The following TOX3 variants were observed in gnomAD, a reference collection of about 807,000 sequenced individuals.
TOX3 encodes TOX high mobility group box family member 3, also known as CAG trinucleotide repeat-containing gene F9 protein.
In TOX3, 22 loss-of-function variants were observed where a neutral mutation model predicts 64.3. The observed-to-expected ratio is 0.34, with a 90% CI of 0.24 to 0.49. The LOEUF (loss-of-function observed/expected upper bound fraction) is 0.49. TOX3 is among the 20% of genes least tolerant of loss of function. The pLI, the probability that TOX3 is intolerant of heterozygous loss-of-function variation, is 0.99. For synonymous variants in TOX3, 291 were observed against 273.6 expected, an observed-to-expected ratio of 1.06 and a Z score of -0.63; for missense variants, 661 against 714.4, an observed-to-expected ratio of 0.93 and a Z score of 0.85.
Position 52,468,547 on chromosome 16 carries a change from T to C in TOX3, c.115A>G (p.Met39Val). 1 of 1,612,966 alleles carries C rather than the reference T, an allele frequency of 6.2e-7. No individual in the cohort carries two copies. Among genetic ancestry groups the C allele is most frequent in the Non-Finnish European group, 8.5e-7 (1 of 1,179,266 alleles). Residue 39 changes from methionine to valine, a missense_variant, in exon 2 of 7, where the codon ATG (methionine) becomes GTG (valine). Transcript: ENST00000219746. ...KFGNNNNYMN[M>V]AEANNAFFAA... ...AAGAACGCATTGTTCGCCTCAGCCATATTCATATAGTTATTATTATTTCCA... is the reference window on the plus strand; with the variant it reads ...AAGAACGCATTGTTCGCCTCAGCCACATTCATATAGTTATTATTATTTCCA...
chr16:52,518,886 T>A (rs1392499833), intron 1 of TOX3, among the ~76,000 whole-genome samples: 1 of 152,248 alleles, frequency 6.6e-6, no homozygotes, highest in Non-Finnish European at 1.5e-5. Context: ...CGTATTTCAA[T>A]AATCATTAAT....
At chr16:52,498,768 A>G (rs1961920064) in intron 1 of TOX3, among the ~76,000 whole-genome samples, 1 of 152,232 alleles carries the variant, frequency 6.6e-6, no homozygotes, top group Non-Finnish European at 1.5e-5. Context: ...TGGTCCGTGC[A>G]TATCCTGCTT....
At chr16:52,487,942 A>G (rs1224188038) in intron 1 of TOX3, among the ~76,000 whole-genome samples, 1 of 152,124 alleles carries the variant, frequency 6.6e-6, no homozygotes, top group East Asian at 1.9e-4. Context: ...CACAATTCTG[A>G]TATGTCTAAA....
At chr16:52,446,547 C>A (rs1288926554) in intron 4 of TOX3, among the ~76,000 whole-genome samples, 1 of 152,086 alleles carries the variant, frequency 6.6e-6, no homozygotes, top group Non-Finnish European at 1.5e-5. Flanking sequence ...CATACATCAG[C>A]AAAATATTTT....
intron 1 of TOX3, among the ~76,000 whole-genome samples, chr16:52,519,009 A>G (rs1962527902): frequency 6.6e-6 from 1 of 152,236 alleles, no homozygotes; most frequent in African/African-American, 2.4e-5. Context: ...TAGAAGATAC[A>G]GGTAGCAAAA....
At chr16:52,501,745 A>G (rs1962009755) in intron 1 of TOX3, among the ~76,000 whole-genome samples, 3 of 152,056 alleles carry the variant, frequency 2.0e-5, no homozygotes, top group Admixed American at 2.0e-4. Context: ...TCACTCCCTG[A>G]GCTATGTGGA....
chr16:52,536,037 CT>C (rs1962937792), intron 1 of TOX3, among the ~76,000 whole-genome samples: 1 of 152,184 alleles, frequency 6.6e-6, no homozygotes, highest in Non-Finnish European at 1.5e-5. Context: ...ACCAGATCTT[CT>C]GCTCAACAGT....
chr16:52,524,207 C>T (rs1830142154), intron 1 of TOX3, among the ~76,000 whole-genome samples: 1 of 152,120 alleles, frequency 6.6e-6, no homozygotes, highest in African/African-American at 2.4e-5. Flanking sequence ...GTATTAAAAA[C>T]ATTATCTTGA....
At position 52,439,742 on chromosome 16, in the gene TOX3, G is replaced by A. The variant is rs769532592; in HGVS notation, c.1214C>T (p.Ala405Val). 1 of 1,613,988 alleles carries A rather than the reference G, an allele frequency of 6.2e-7. No homozygotes were observed. The highest frequency in any genetic ancestry group is 8.5e-7 in the Non-Finnish European group (1 of 1,179,886). Residue 405 changes from alanine to valine, a missense_variant, in exon 7 of 7, where the codon GCC becomes GTC. Physicochemically the swap from Ala to Val is moderately conservative, Grantham distance 64. Around this residue, in one of 3 missense-constraint regions of TOX3, gnomAD observed 299 missense variants for 292.1 expected, o/e 1.02. Coordinates refer to ENST00000219746, the MANE Select transcript of TOX3 (RefSeq NM_001080430.4). ...NQIVTSVTIA[A>V]NMPSNIGAPL... ...AGCCCCAATGTTCGAGGGCATGTTG[G>A]CTGCAATGGTGACTGATGTGACAAT...
intron 1 of TOX3, among the ~76,000 whole-genome samples, chr16:52,476,904 G>A (rs1453591407): frequency 2.6e-5 from 4 of 152,210 alleles, no homozygotes; most frequent in Non-Finnish European, 5.9e-5. Context: ...GTGACAAGTG[G>A]CTTGCAAATC....
At chr16:52,464,995 T>TTAATGCA (rs1463820545) in intron 2 of TOX3, among the ~76,000 whole-genome samples, 3 of 144,388 alleles carry the variant, frequency 2.1e-5, no homozygotes, top group Non-Finnish European at 4.5e-5. Context: ...TAAGTAAGTC[T>TTAATGCA]TAATGCATTC....
chr16:52,444,148 A>C, intron 6 of TOX3, 128 bp downstream of exon 6: 1 of 626,612 alleles, frequency 1.6e-6, no homozygotes, highest in South Asian at 3.1e-5. Context: ...GAAACGCCTA[A>C]GTTTACAAGT....
At chr16:52,474,887 G>A (rs1233586916) in intron 1 of TOX3, among the ~76,000 whole-genome samples, 4 of 151,992 alleles carry the variant, frequency 2.6e-5, no homozygotes, top group African/African-American at 4.8e-5. Context: ...TTTGGCCATC[G>A]TCCTTCCCCT....
At chr16:52,527,588 G>A (rs529431470) in intron 1 of TOX3, among the ~76,000 whole-genome samples, 1 of 152,318 alleles carries the variant, frequency 6.6e-6, no homozygotes, top group South Asian at 2.1e-4. Flanking sequence ...GAAAACATCT[G>A]CAAGGTGCTG....
chr16:52,461,856 G>A (rs1960701969), intron 3 of TOX3, among the ~76,000 whole-genome samples: 1 of 152,108 alleles, frequency 6.6e-6, no homozygotes, highest in African/African-American at 2.4e-5. Context: ...AGATATAGAA[G>A]AACCCTGACA....
chr16:52,526,203 G>A (rs971858783), intron 1 of TOX3, among the ~76,000 whole-genome samples: 2 of 152,188 alleles, frequency 1.3e-5, no homozygotes, highest in Admixed American at 1.3e-4. Flanking sequence ...GACCAAGCCT[G>A]CCTGGAATGT....
intron 1 of TOX3, among the ~76,000 whole-genome samples, chr16:52,497,490 C>T (rs987678895): frequency 1.3e-5 from 2 of 152,208 alleles, no homozygotes; most frequent in African/African-American, 2.4e-5. Context: ...AAATGTTGCT[C>T]TCTGCTACTG....
At chr16:52,481,664 A>C (rs2151449392) in intron 1 of TOX3, among the ~76,000 whole-genome samples, 1 of 152,356 alleles carries the variant, frequency 6.6e-6, no homozygotes, top group African/African-American at 2.4e-5. Context: ...GGAATCTATG[A>C]AACCACTGGT....
intron 1 of TOX3, among the ~76,000 whole-genome samples, chr16:52,540,898 A>T (rs1488562284): frequency 6.6e-6 from 1 of 152,228 alleles, no homozygotes; most frequent in African/African-American, 2.4e-5. Flanking sequence ...TGGCACTGCC[A>T]ACCCAAAGAC....
Sources: allele counts gnomAD v4.1 joint callset (sites outside exome capture counted in the v4.1 genomes callset), GRCh38; gene constraint gnomAD v4.1.1; regional missense constraint gnomAD v4.1.1; transcripts MANE v1.5; gene names NCBI Gene and HGNC (gene_info 2026-07-23, HGNC 2026-07-21).